PARL: variants seen among roughly 807,000 people sequenced by gnomAD.
PARL encodes the protein presenilin associated rhomboid like.
A neutral mutation model predicts 51.6 loss-of-function variants in PARL; 44 were observed. That is an observed-to-expected ratio of 0.85 (90% CI 0.67 to 1.10). PARL has a LOEUF of 1.10. Among genes scored for constraint, PARL ranks in the 50% least tolerant of loss-of-function variants. The pLI, the probability that PARL is intolerant of heterozygous loss-of-function variation, is 0.00. For synonymous variants in PARL, 172 were observed against 164.0 expected, an observed-to-expected ratio of 1.05 and a Z score of -0.37; for missense variants, 441 against 469.5, an observed-to-expected ratio of 0.94 and a Z score of 0.56.
chr3:183,882,833 T>C (rs1016675525), intron 1 of PARL, among the ~76,000 whole-genome samples: 4 of 152,152 alleles, frequency 2.6e-5, no homozygotes, highest in Non-Finnish European at 4.4e-5. Flanking sequence ...AAATTCCTGG[T>C]CCCACTTCAG....
chr3:183,827,018 G>A (rs1391128280), downstream of PARL, among the ~76,000 whole-genome samples: 2 of 152,144 alleles, frequency 1.3e-5, no homozygotes, highest in Non-Finnish European at 2.9e-5. Context: ...TGAGAGGGAG[G>A]CAGGCTGGGG....
chr3:183,877,883 C>A (rs1734027217), intron 1 of PARL, among the ~76,000 whole-genome samples: 1 of 151,960 alleles, frequency 6.6e-6, no homozygotes, highest in Non-Finnish European at 1.5e-5. Context: ...CTCCACCTCC[C>A]AGGTACAAGC....
At chr3:183,873,381 C>G (rs1362820780) in intron 1 of PARL, among the ~76,000 whole-genome samples, 1 of 151,836 alleles carries the variant, frequency 6.6e-6, no homozygotes, top group East Asian at 1.9e-4. Flanking sequence ...TGGCGCACGC[C>G]TGTATTTTGA....
At chr3:183,874,606 G>C (rs1015789297) in intron 1 of PARL, among the ~76,000 whole-genome samples, 8 of 151,876 alleles carry the variant, frequency 5.3e-5, no homozygotes, top group African/African-American at 1.9e-4. Flanking sequence ...ATGGGGTTTC[G>C]CCATGTTGGC....
At chr3:183,866,910 A>C (rs1306633989) in intron 2 of PARL, 145 bp from the exon 3 acceptor site, 1 of 649,868 alleles carries the variant, frequency 1.5e-6, no homozygotes, top group Non-Finnish European at 2.6e-6. Context: ...ATAAGTGAAA[A>C]GGGCTTTTTT....
intron 7 of PARL, among the ~76,000 whole-genome samples, chr3:183,834,172 G>T (rs1422886934): frequency 6.6e-6 from 1 of 152,248 alleles, no homozygotes; most frequent in Non-Finnish European, 1.5e-5. Flanking sequence ...ACCAGAGGGA[G>T]TGGGCATGAA....
intron 2 of PARL, 131 bp from the exon 3 acceptor site, chr3:183,866,896 C>A: frequency 2.8e-6 from 2 of 706,174 alleles, no homozygotes; most frequent in Non-Finnish European, 2.4e-6. Flanking sequence ...CACAGTGAAA[C>A]CTAATAAGTG....
intron 3 of PARL, among the ~76,000 whole-genome samples, chr3:183,864,093 T>C (rs765980475): frequency 1.1e-4 from 16 of 152,236 alleles, no homozygotes; most frequent in Non-Finnish European, 1.5e-4. Context: ...CTCAAATACA[T>C]TGACTGAACA....
intron 1 of PARL, 61 bp from the exon 2 acceptor site, chr3:183,868,121 G>T: frequency 8.0e-7 from 1 of 1,248,516 alleles, no homozygotes; most frequent in Non-Finnish European, 1.2e-6. Flanking sequence ...CAACTTCTAT[G>T]AACCTCCACT....
chr3:183,878,537 T>A (rs1459532905), intron 1 of PARL, among the ~76,000 whole-genome samples: 1 of 152,108 alleles, frequency 6.6e-6, no homozygotes, highest in Admixed American at 6.6e-5. Flanking sequence ...CTCTTAAAAG[T>A]CCTACACCAT....
At chr3:183,877,169 G>A (rs1241166302) in intron 1 of PARL, among the ~76,000 whole-genome samples, 3 of 152,136 alleles carry the variant, frequency 2.0e-5, no homozygotes, top group Non-Finnish European at 2.9e-5. Flanking sequence ...AGCCAAGATC[G>A]TGCCATTGCA....
chr3:183,865,626 G>A (rs1223241293), intron 3 of PARL, among the ~76,000 whole-genome samples: 3 of 152,154 alleles, frequency 2.0e-5, no homozygotes, highest in East Asian at 3.9e-4. Flanking sequence ...ATGATCTGAG[G>A]TGGAACAGTT....
chr3:183,846,869 A>G (rs150225158), intron 4 of PARL, among the ~76,000 whole-genome samples: 294 of 152,362 alleles, frequency 1.9e-3, no homozygotes, highest in African/African-American at 6.4e-3. Flanking sequence ...CCAGTTATAG[A>G]TGAGAAAAAC....
At chr3:183,862,885 A>G (rs1212839729) in intron 3 of PARL, 84 bp from the exon 4 acceptor site, 7 of 1,022,824 alleles carry the variant, frequency 6.8e-6, no homozygotes, top group African/African-American at 3.2e-5. Context: ...TGCCTCGCAC[A>G]TAAGAGGAAT....
chr3:183,856,379 G>C (rs1731186801), intron 4 of PARL: 1 of 152,346 alleles, frequency 6.6e-6, no homozygotes, highest in South Asian at 2.1e-4. Context: ...TCCAGACACT[G>C]ACAAGCAAGT....
At chr3:183,881,958 T>C (rs1734482566) in intron 1 of PARL, among the ~76,000 whole-genome samples, 1 of 151,728 alleles carries the variant, frequency 6.6e-6, no homozygotes, top group Non-Finnish European at 1.5e-5. Flanking sequence ...ATCCCAACAC[T>C]GGGAGGCAGA....
At chr3:183,834,886 C>CAAAAA (rs60078452) in intron 7 of PARL, among the ~76,000 whole-genome samples, 54 of 108,614 alleles carry the variant, frequency 5.0e-4, no homozygotes, top group African/African-American at 1.2e-3. Context: ...ACTAAAAATA[C>CAAAAA]AAAAAAAAAA....
intron 7 of PARL, among the ~76,000 whole-genome samples, chr3:183,834,856 C>T (rs1297636601): frequency 7.5e-6 from 1 of 132,752 alleles, no homozygotes; most frequent in African/African-American, 3.0e-5. Context: ...GCCTGACCAA[C>T]GTGGTAAAAC....
At chr3:183,857,938 A>C (rs746373885) in intron 4 of PARL, among the ~76,000 whole-genome samples, 1 of 152,212 alleles carries the variant, frequency 6.6e-6, no homozygotes, top group Non-Finnish European at 1.5e-5. Flanking sequence ...TCTTTGATAC[A>C]TGAAGTGGAT....
Sources: gnomAD v4.1 joint callset for allele counts (sites outside exome capture counted in the v4.1 genomes callset) on GRCh38, gnomAD v4.1.1 for gene constraint, MANE v1.5 for transcripts, NCBI Gene and HGNC (gene_info 2026-07-23, HGNC 2026-07-21) for gene names.